MBLAC2: variants seen among roughly 807,000 people sequenced by gnomAD.
MBLAC2 encodes the protein metallo-beta-lactamase domain containing 2, also known as acyl-coenzyme A thioesterase MBLAC2.
MBLAC2 carries 24 observed loss-of-function variants against 23.3 expected under a neutral mutation model. The observed-to-expected ratio is 1.03, with a 90% confidence interval of 0.75 to 1.45. The LOEUF (loss-of-function observed/expected upper bound fraction) is 1.45, where lower values mean the gene tolerates loss of function less well. MBLAC2 is among the 40% of genes most tolerant of loss of function. The probability of loss-of-function intolerance (pLI) is 0.00; values close to 1 mark genes in which losing one functional copy is unlikely to be tolerated. For missense variants in MBLAC2, 358 were observed against 370.0 expected (o/e 0.97, Z 0.27); for synonymous variants, 162 against 150.9 (o/e 1.07, Z -0.54).
intron 1 of MBLAC2, 168 bp downstream of exon 1, chr5:90,473,671 C>CTCT: frequency 1.4e-6 from 1 of 736,024 alleles, no homozygotes; most frequent in South Asian, 1.5e-5. Context: ...ATGGCCTTGA[C>CTCT]TCTGGTCAAG....
At position 90,461,314 on chromosome 5, in the gene MBLAC2, G is replaced by C; in HGVS notation, c.693C>G (p.His231Gln). 6.2e-7 allele frequency: 1 copy of C among 1,614,126 alleles called. No homozygotes were observed. The highest frequency in any genetic ancestry group is 2.2e-5 in the East Asian group (1 of 44,886). The change falls in exon 2 of 2, where the codon CAC becomes CAG. Residue 231 changes from histidine to glutamine, a missense_variant. Coordinates refer to ENST00000316610, the MANE Select transcript of MBLAC2 (RefSeq NM_203406.2). ...RGLVEKVLPG[H>Q]FNTFGAERLF... Reference sequence around the variant, plus strand: ...GCCTTTCAGCACCAAAGGTATTGAAGTGCCCAGGAAGCACCTTCTCTACCA... The same window carrying C: ...GCCTTTCAGCACCAAAGGTATTGAACTGCCCAGGAAGCACCTTCTCTACCA...
intron 1 of MBLAC2, among the ~76,000 whole-genome samples, chr5:90,463,106 CAG>C (rs1474994978): frequency 6.6e-6 from 1 of 152,194 alleles, no homozygotes; most frequent in Non-Finnish European, 1.5e-5. Flanking sequence ...TTTTCTGAGA[CAG>C]AGTTTTGCTC....
At chr5:90,464,078 T>C (rs571797747) in intron 1 of MBLAC2, among the ~76,000 whole-genome samples, 15 of 152,236 alleles carry the variant, frequency 9.9e-5, no homozygotes, top group Middle Eastern at 6.8e-3. Flanking sequence ...AGCAAATAAA[T>C]TGATTAACAA....
chr5:90,466,451 A>G (rs565901717), intron 1 of MBLAC2, among the ~76,000 whole-genome samples: 2 of 152,328 alleles, frequency 1.3e-5, no homozygotes, highest in South Asian at 4.1e-4. Context: ...CTTGGGCTAG[A>G]CATAGAGCTC....
intron 1 of MBLAC2, among the ~76,000 whole-genome samples, chr5:90,461,789 T>C (rs1165459220): frequency 6.6e-6 from 1 of 152,234 alleles, no homozygotes; most frequent in African/African-American, 2.4e-5. Flanking sequence ...CAGGCTATCA[T>C]GATACATAAA....
intron 1 of MBLAC2, among the ~76,000 whole-genome samples, chr5:90,469,420 T>C (rs1365581737): frequency 6.6e-6 from 1 of 152,204 alleles, no homozygotes; most frequent in African/African-American, 2.4e-5. Context: ...TTTTCAACTT[T>C]ATCTTCCAGA....
chr5:90,471,352 C>T (rs547974637), intron 1 of MBLAC2, among the ~76,000 whole-genome samples: 1 of 152,224 alleles, frequency 6.6e-6, no homozygotes, highest in Non-Finnish European at 1.5e-5. Context: ...GATCACAATG[C>T]CAGAACTTTG....
At chr5:90,472,829 C>A (rs1750583613) in intron 1 of MBLAC2, 1 of 152,120 alleles carries the variant, frequency 6.6e-6, no homozygotes, top group Admixed American at 6.5e-5. Flanking sequence ...TGCCTAGATT[C>A]ATATCCTAGC....
rs1739148580 is a variant in MBLAC2, at chr5:90,459,925, T to G, written c.*1242A>C. 1 of 151,630 alleles carries G rather than the reference T, an allele frequency of 6.6e-6. No individual in the cohort carries two copies. Among genetic ancestry groups the G allele is most frequent in the African/African-American group, 2.5e-5 (1 of 40,506 alleles). 9.4% of individuals were successfully genotyped at this position (151,630 alleles called of 1,614,324 possible). ...TAAAAAATCTGATTTCCAAAGCGATTTCAGTTTGGTTTTAGATATGTCAAT... is the reference window on the plus strand; with the variant it reads ...TAAAAAATCTGATTTCCAAAGCGATGTCAGTTTGGTTTTAGATATGTCAAT... On this transcript the variant is annotated 3_prime_UTR_variant, in exon 2 of 2. Coordinates refer to ENST00000316610, the MANE Select transcript of MBLAC2 (RefSeq NM_203406.2).
Position 90,465,662 on chromosome 5 carries a change from C to T in MBLAC2, c.455-4110G>A, listed in dbSNP as rs1750435306. Among the ~76,000 whole-genome samples the T allele has an allele frequency of 3.9e-5, 6 of 152,114 alleles. 1 individual carries two copies. The South Asian group carries it at 8.3e-4, about 21-fold the overall frequency. On this transcript the variant is annotated intron_variant, in intron 1 of 1. Transcript: ENST00000316610. ...TGGCCCGCTTATAGCTCACTGTAAC[C>T]CCTGAACTCCTGGGCTCAAGGGATC...
chr5:90,469,112 T>G (rs796591540), intron 1 of MBLAC2, among the ~76,000 whole-genome samples: 1 of 152,074 alleles, frequency 6.6e-6, no homozygotes, highest in Non-Finnish European at 1.5e-5. Context: ...ATTACAGGCA[T>G]GCAACACCAC....
At chr5:90,464,922 T>C (rs1188406068) in intron 1 of MBLAC2, among the ~76,000 whole-genome samples, 1 of 152,184 alleles carries the variant, frequency 6.6e-6, no homozygotes, top group Non-Finnish European at 1.5e-5. Flanking sequence ...CTATAGGTAA[T>C]ACCTCTTTGA....
rs1046173188 is a variant in MBLAC2, at chr5:90,474,500, C to A, written c.-208G>T. The A allele has an allele frequency of 1.2e-5, 7 of 564,550 alleles. No individual in the cohort carries two copies. Among genetic ancestry groups the A allele is most frequent in the African/African-American group, 1.9e-5 (1 of 51,912 alleles). 35.0% of individuals were successfully genotyped at this position (564,550 alleles called of 1,614,324 possible). A position where few individuals can be genotyped will look rare whatever the true frequency, so the allele number is the denominator to read the frequency against. ...CTGCCCGTAGCGTGCGCTCCCGCAC[C>A]CTTCCGCCAGGTCGGCAGCAAGCAG... On this transcript the variant is annotated 5_prime_UTR_variant, in exon 1 of 2. Coordinates refer to ENST00000316610, the MANE Select transcript of MBLAC2 (RefSeq NM_203406.2).
At position 90,474,436 on chromosome 5, in the gene MBLAC2, C is replaced by A; in HGVS notation, c.-144G>T. The A allele has an allele frequency of 8.2e-6, 6 of 732,776 alleles. No homozygotes were observed. The highest frequency in any genetic ancestry group is 1.1e-5 in the Non-Finnish European group (5 of 441,100). 45.4% of individuals were successfully genotyped at this position (732,776 alleles called of 1,614,324 possible). A position where few individuals can be genotyped will look rare whatever the true frequency, so the allele number is the denominator to read the frequency against. ...TAGAGCGAGGCGGGGGCGTGGGATG[C>A]GGGGGTCGGAATAGGAGGAGGAAGG... On this transcript the variant is annotated 5_prime_UTR_variant, in exon 1 of 2. Coordinates refer to ENST00000316610, the MANE Select transcript of MBLAC2 (RefSeq NM_203406.2).
At chr5:90,473,560 G>A in intron 1 of MBLAC2, 1 of 640,636 alleles carries the variant, frequency 1.6e-6, no homozygotes. Flanking sequence ...TGCTACAGCC[G>A]ATGCAGGAAA....
At position 90,459,276 on chromosome 5, in the gene MBLAC2, C is replaced by G. The variant is rs1750315815; in HGVS notation, c.*1891G>C. The G allele has an allele frequency of 6.6e-6, 1 of 152,510 alleles. No individual in the cohort carries two copies. The highest frequency in any genetic ancestry group is 2.4e-5 in the African/African-American group (1 of 41,428). 9.4% of individuals were successfully genotyped at this position (152,510 alleles called of 1,614,324 possible). On this transcript the variant is annotated 3_prime_UTR_variant, in exon 2 of 2. Transcript: ENST00000316610. ...TTAATATAATTGAACCAATCATACC[C>G]TCCTTTTTGATTGAAGTAAAGGTTC...
rs566050806 is a variant in MBLAC2, at chr5:90,474,301, G to A, written c.-9C>T. ...CACTCGAGCGCCGACATGCTGGGCA[G>A]GGGTGCAGCCAGGCGGGGTGAGTGT... On this transcript the variant is annotated 5_prime_UTR_variant, in exon 1 of 2. Coordinates refer to ENST00000316610, the MANE Select transcript of MBLAC2 (RefSeq NM_203406.2). 1.2e-6 allele frequency: 2 copies of A among 1,611,812 alleles called. No individual in the cohort carries two copies. Among genetic ancestry groups the A allele is most frequent in the South Asian group, 1.1e-5 (1 of 90,730 alleles).
chr5:90,473,461 C>T, intron 1 of MBLAC2: 2 of 566,138 alleles, frequency 3.5e-6, no homozygotes, highest in Non-Finnish European at 6.2e-6. Flanking sequence ...TAAAAGTCTG[C>T]TCACTACGAA....
intron 1 of MBLAC2, among the ~76,000 whole-genome samples, chr5:90,470,616 G>A (rs1750528163): frequency 1.3e-5 from 2 of 152,098 alleles, no homozygotes; most frequent in Admixed American, 1.3e-4. Flanking sequence ...TTTCTTCTAG[G>A]AGGCAGATTC....
Sources: allele counts gnomAD v4.1 joint callset (sites outside exome capture counted in the v4.1 genomes callset), GRCh38; gene constraint gnomAD v4.1.1; transcripts MANE v1.5; gene names NCBI Gene and HGNC (gene_info 2026-07-23, HGNC 2026-07-21).